Variants in C11orf97 observed in about 807,000 individuals in gnomAD.
The protein encoded by C11orf97 is chromosome 11 open reading frame 97.
In C11orf97, 15 loss-of-function variants were observed where a neutral mutation model predicts 16.2. The observed-to-expected ratio is 0.93, with a 90% CI of 0.62 to 1.43. The LOEUF (loss-of-function observed/expected upper bound fraction) is 1.43, where lower values mean the gene tolerates loss of function less well. Among genes scored for constraint, C11orf97 ranks in the 40% most tolerant of loss-of-function variants. The probability of loss-of-function intolerance (pLI) is 0.00; values close to 1 mark genes in which losing one functional copy is unlikely to be tolerated. For missense variants in C11orf97, 171 were observed against 161.2 expected (o/e 1.06, Z -0.33); for synonymous variants, 61 against 65.7 (o/e 0.93, Z 0.34).
At chr11:94,515,131 G>A (rs910681034) in intron 1 of C11orf97, among the ~76,000 whole-genome samples, 1 of 152,056 alleles carries the variant, frequency 6.6e-6, no homozygotes, top group African/African-American at 2.4e-5. Flanking sequence ...TAGGAGCTTG[G>A]GAGACTCAGG....
intron 2 of C11orf97, among the ~76,000 whole-genome samples, chr11:94,520,955 C>T (rs1212663542): frequency 6.6e-6 from 1 of 152,180 alleles, no homozygotes; most frequent in Non-Finnish European, 1.5e-5. Context: ...GCCAGCTCAC[C>T]TCTCTGATCT....
chr11:94,514,971 T>C (rs1947600618), intron 1 of C11orf97, among the ~76,000 whole-genome samples: 1 of 152,174 alleles, frequency 6.6e-6, no homozygotes, highest in Non-Finnish European at 1.5e-5. Context: ...TCACTTGTAG[T>C]GCTCTAACCT....
chr11:94,512,524 G>A lies in C11orf97; in HGVS notation c.-5G>A, dbSNP rs1947576867. 2 of 1,306,396 alleles carry A rather than the reference G, an allele frequency of 1.5e-6. No individual in the cohort carries two copies. The highest frequency in any genetic ancestry group is 4.4e-5 in the South Asian group (2 of 45,372). 80.9% of individuals were successfully genotyped at this position (1,306,396 alleles called of 1,614,324 possible). ...TGCCCAGGGCTCTCGGAAGACCGCT[G>A]CGGCATGACAGGCGAGGAGGCGGTG... On this transcript the variant is annotated 5_prime_UTR_variant, in exon 1 of 4. Transcript: ENST00000542198.
intron 1 of C11orf97, among the ~76,000 whole-genome samples, chr11:94,516,277 A>G (rs1173265510): frequency 6.6e-6 from 1 of 152,148 alleles, no homozygotes; most frequent in Non-Finnish European, 1.5e-5. Flanking sequence ...ACCTGCCCAT[A>G]TATATGTGAG....
intron 1 of C11orf97, 149 bp downstream of exon 1, chr11:94,512,822 T>C (rs1035279843): frequency 1.2e-6 from 1 of 834,804 alleles, no homozygotes; most frequent in African/African-American, 1.8e-5. Context: ...CCAGAGATGA[T>C]GGCACTGTGG....
At chr11:94,517,459 A>G (rs1453570415) in intron 1 of C11orf97, 124 bp from the exon 2 acceptor site, 2 of 498,920 alleles carry the variant, frequency 4.0e-6, no homozygotes, top group Non-Finnish European at 6.7e-6. Flanking sequence ...TTCAGGGCAA[A>G]TTGTCTGATA....
intron 2 of C11orf97, among the ~76,000 whole-genome samples, chr11:94,523,296 C>A (rs1056389414): frequency 7.2e-5 from 11 of 152,088 alleles, no homozygotes; most frequent in Admixed American, 1.3e-4. Context: ...TTCTAGGGAC[C>A]CCAACATATA....
chr11:94,514,959 G>A (rs1947600480), intron 1 of C11orf97, among the ~76,000 whole-genome samples: 1 of 151,888 alleles, frequency 6.6e-6, no homozygotes, highest in South Asian at 2.1e-4. Context: ...TCACCTTTAG[G>A]ATCACTTGTA....
intron 1 of C11orf97, among the ~76,000 whole-genome samples, chr11:94,514,016 G>A (rs925205098): frequency 1.3e-5 from 2 of 152,134 alleles, no homozygotes; most frequent in Admixed American, 1.3e-4. Context: ...CGCCATGTTG[G>A]TCAGGCTGGT....
intron 2 of C11orf97, among the ~76,000 whole-genome samples, chr11:94,518,888 A>C (rs1295090586): frequency 1.3e-5 from 2 of 151,842 alleles, no homozygotes; most frequent in East Asian, 3.9e-4. Flanking sequence ...TTCAGATTAC[A>C]TGATGTATGT....
At chr11:94,524,887 C>T (rs781115253) in intron 2 of C11orf97, among the ~76,000 whole-genome samples, 6 of 151,844 alleles carry the variant, frequency 4.0e-5, no homozygotes, top group Non-Finnish European at 8.8e-5. Context: ...GGTGAAACCT[C>T]GTCTCTATTA....
chr11:94,515,294 G>A (rs1433316038), intron 1 of C11orf97, among the ~76,000 whole-genome samples: 1 of 150,818 alleles, frequency 6.6e-6, no homozygotes, highest in African/African-American at 2.4e-5. Flanking sequence ...TTAGCTCTCA[G>A]GAAAAAAAAC....
chr11:94,515,204 T>G (rs1233346446), intron 1 of C11orf97, among the ~76,000 whole-genome samples: 1 of 151,988 alleles, frequency 6.6e-6, no homozygotes, highest in African/African-American at 2.4e-5. Context: ...CTTTCTCAAC[T>G]ATAAAACAGG....
chr11:94,530,570 C>T (rs1025255608), intron 3 of C11orf97, among the ~76,000 whole-genome samples: 1 of 152,212 alleles, frequency 6.6e-6, no homozygotes, highest in East Asian at 1.9e-4. Context: ...GTTTTACTCA[C>T]CACTGTGTAT....
chr11:94,522,969 G>A (rs913485475), intron 2 of C11orf97, among the ~76,000 whole-genome samples: 2 of 152,102 alleles, frequency 1.3e-5, no homozygotes, highest in Non-Finnish European at 1.5e-5. Context: ...ACAATGCCCC[G>A]TGCTGACCTG....
intron 2 of C11orf97, among the ~76,000 whole-genome samples, chr11:94,527,756 TA>T (rs1947710776): frequency 6.6e-6 from 1 of 152,224 alleles, no homozygotes; most frequent in African/African-American, 2.4e-5. Context: ...CAGAATCAGA[TA>T]AAGTTGACTA....
intron 2 of C11orf97, among the ~76,000 whole-genome samples, chr11:94,523,338 A>G (rs1480589709): frequency 6.6e-6 from 1 of 152,234 alleles, no homozygotes; most frequent in East Asian, 1.9e-4. Flanking sequence ...GTAGCTATGT[A>G]TGAATTAGCT....
At chr11:94,522,124 A>C (rs527608552) in intron 2 of C11orf97, among the ~76,000 whole-genome samples, 1 of 152,238 alleles carries the variant, frequency 6.6e-6, no homozygotes, top group African/African-American at 2.4e-5. Context: ...ATTTTCTCAT[A>C]CTTTTCACTA....
At chr11:94,530,513 A>T (rs957619379) in intron 3 of C11orf97, among the ~76,000 whole-genome samples, 4 of 152,248 alleles carry the variant, frequency 2.6e-5, no homozygotes, top group African/African-American at 9.6e-5. Context: ...AAAAATTGTC[A>T]GTAGTAATTA....
Sources: gnomAD v4.1 joint callset for allele counts (sites outside exome capture counted in the v4.1 genomes callset) on GRCh38, gnomAD v4.1.1 for gene constraint, MANE v1.5 for transcripts, NCBI Gene and HGNC (gene_info 2026-07-23, HGNC 2026-07-21) for gene names.